VCPIP1: variants seen among roughly 807,000 people sequenced by gnomAD.
The protein encoded by VCPIP1 is deubiquitinating protein VCPIP1.
VCPIP1 carries 8 observed loss-of-function variants against 85.0 expected under a neutral mutation model. The observed-to-expected ratio is 0.09, with a 90% CI of 0.06 to 0.17. The LOEUF (loss-of-function observed/expected upper bound fraction) is 0.17. Among genes scored for constraint, VCPIP1 ranks in the 10% least tolerant of loss-of-function variants. The probability of loss-of-function intolerance (pLI) is 1.00; values close to 1 mark genes in which losing one functional copy is unlikely to be tolerated. For synonymous variants in VCPIP1, 543 were observed against 544.5 expected, an observed-to-expected ratio of 1.00 and a Z score of 0.04; for missense variants, 1,070 against 1,486.3, an observed-to-expected ratio of 0.72 and a Z score of 4.61.
chr8:66,641,875 A>G (rs542085275), intron 2 of VCPIP1, among the ~76,000 whole-genome samples: 3 of 152,366 alleles, frequency 2.0e-5, no homozygotes, highest in African/African-American at 7.2e-5. Flanking sequence ...ATTTTAGGCT[A>G]TGATGAATAA....
At position 66,642,155 on chromosome 8, in the gene VCPIP1, C is replaced by T. The variant is rs937751644; in HGVS notation, c.2798-6783G>A. Among the ~76,000 whole-genome samples, 3 of 152,174 alleles carry T rather than the reference C, an allele frequency of 2.0e-5. No homozygotes were observed. In the East Asian group the frequency reaches 5.8e-4, roughly 29 times the overall value. ...TAGTGAGTATGAAGTATTATACCAT[C>T]CCATTTTTCTTTTGATTTGCATTCC... is the stretch of plus-strand genomic sequence containing the variant. On this transcript the variant is annotated intron_variant, in intron 2 of 2. Transcript: ENST00000310421.
intron 1 of VCPIP1, among the ~76,000 whole-genome samples, chr8:66,660,423 G>A (rs1029700332): frequency 1.3e-5 from 2 of 152,202 alleles, no homozygotes; most frequent in Non-Finnish European, 2.9e-5. Flanking sequence ...CACTGATAGA[G>A]GGAACCTACT....
At position 66,664,338 on chromosome 8, in the gene VCPIP1, A is replaced by G. The variant is rs768678009; in HGVS notation, c.2621T>C (p.Ile874Thr). 8.1e-6 allele frequency: 13 copies of G among 1,612,880 alleles called. No individual in the cohort carries two copies. The highest frequency in any genetic ancestry group is 4.4e-5 in the South Asian group (4 of 91,042). The stretch of plus-strand genomic sequence containing the variant: ...AGATGACAGTTTACCAGTAACAGCA[A>G]TATCTTCTTGTTTCACAGTGTGGGC... ...HSAHTVKQED[I>T]AVTGKLSSKE... Residue 874 changes from isoleucine (I) to threonine (T), a missense_variant, in exon 1 of 3, where the codon ATT becomes ACT. Physicochemically the swap from Ile to Thr is moderately conservative, Grantham distance 89 (BLOSUM62 -1). Around this residue, in one of 8 missense-constraint regions of VCPIP1, gnomAD observed 278 missense variants for 298.5 expected, o/e 0.93. Coordinates refer to ENST00000310421, the MANE Select transcript of VCPIP1 (RefSeq NM_025054.5).
chr8:66,651,499 T>C lies in VCPIP1; in HGVS notation c.2756A>G (p.Gln919Arg). The change falls in exon 2 of 3, where the codon CAG (glutamine) becomes CGG (arginine). Residue 919 changes from glutamine (Q) to arginine (R), a missense_variant. Physicochemically the swap from Gln to Arg is conservative, Grantham distance 43. Transcript: ENST00000310421. ...AATACTGTAGAATACACCACCCTGC[T>C]GAAACATGTGAGGAAGTCCCTTTGC... ...SYAKGLPHMF[Q>R]QGGVFYSIMK... The C allele has an allele frequency of 1.2e-6, 2 of 1,613,514 alleles. No homozygotes were observed. Among genetic ancestry groups the C allele is most frequent in the South Asian group, 1.1e-5 (1 of 91,052 alleles).
At chr8:66,656,089 A>T (rs978280541) in intron 1 of VCPIP1, among the ~76,000 whole-genome samples, 8 of 152,138 alleles carry the variant, frequency 5.3e-5, no homozygotes, top group South Asian at 2.1e-4. Context: ...TACATTTTTT[A>T]AAATGTATTT....
In VCPIP1 at chr8:66,666,435, A is replaced by G; in HGVS notation, c.524T>C (p.Val175Ala). Reference protein sequence around the residue: ...DRAFLIEPEHVNTVGYGKDRS... With the variant: ...DRAFLIEPEHANTVGYGKDRS... ...GTCCTTGCCATAGCCCACAGTGTTA[A>G]CATGCTCTGGTTCTATGAGGAAGGC... The change falls in exon 1 of 3, where the codon GTT (valine) becomes GCT (alanine). Residue 175 changes from valine to alanine, a missense_variant. By Grantham distance (64) the Val-to-Ala change is moderately conservative. Around this residue, in one of 8 missense-constraint regions of VCPIP1, gnomAD observed 118 missense variants for 337.1 expected, o/e 0.35. Coordinates refer to ENST00000310421, the MANE Select transcript of VCPIP1 (RefSeq NM_025054.5). The surrounding 1 kb of genome is among the most constrained non-coding windows in gnomAD (Gnocchi z 6.3). 6.2e-7 allele frequency: 1 copy of G among 1,614,168 alleles called. No homozygotes were observed. The highest frequency in any genetic ancestry group is 8.5e-7 in the Non-Finnish European group (1 of 1,180,018).
chr8:66,642,223 G>C (rs1339465476), intron 2 of VCPIP1, among the ~76,000 whole-genome samples: 1 of 152,032 alleles, frequency 6.6e-6, no homozygotes, highest in African/African-American at 2.4e-5. Flanking sequence ...CGTGTGATTG[G>C]CCATTTATAT....
At chr8:66,661,940 T>G (rs947186556) in intron 1 of VCPIP1, among the ~76,000 whole-genome samples, 1 of 151,174 alleles carries the variant, frequency 6.6e-6, no homozygotes, top group African/African-American at 2.4e-5. Context: ...ATTTTTTTTT[T>G]GTATTTTTAG....
Position 66,666,772 on chromosome 8 carries a change from A to C in VCPIP1, c.187T>G (p.Ser63Ala), listed in dbSNP as rs1405701180. The C allele has an allele frequency of 1.2e-6, 2 of 1,613,690 alleles. No homozygotes were observed. The highest frequency in any genetic ancestry group is 4.5e-5 in the East Asian group (2 of 44,882). The change falls in exon 1 of 3, where the codon TCC becomes GCC. Residue 63 changes from serine to alanine, a missense_variant. This residue lies in a region of VCPIP1 where 164 missense variants were observed against 158.6 expected (regional missense o/e 1.03). Transcript: ENST00000310421. The surrounding 1 kb of genome is among the most constrained non-coding windows in gnomAD (Gnocchi z 6.3). ...GTACACTCGATGCTGACAGAACCGG[A>C]GGCCGGGAAAAATAGACGCGCCTGA... is the stretch of plus-strand genomic sequence containing the variant. ...KCQARLFFPA[S>A]GSVSIECTEC...
At chr8:66,642,501 C>G (rs755559028) in intron 2 of VCPIP1, among the ~76,000 whole-genome samples, 4 of 152,018 alleles carry the variant, frequency 2.6e-5, no homozygotes, top group African/African-American at 4.8e-5. Context: ...AAGGTCAATA[C>G]AGTTTATGCT....
chr8:66,650,860 CAAAA>C (rs770736039), intron 2 of VCPIP1, among the ~76,000 whole-genome samples: 2 of 13,914 alleles, frequency 1.4e-4, no homozygotes, highest in South Asian at 2.1e-3. Flanking sequence ...GACTTCGTCT[CAAAA>C]AAAAAAAAAA....
intron 2 of VCPIP1, among the ~76,000 whole-genome samples, chr8:66,644,634 G>A (rs146098644): frequency 5.4e-4 from 82 of 152,102 alleles, no homozygotes; most frequent in African/African-American, 1.9e-3. Context: ...TCACCTTTCC[G>A]ACTCAACACT....
rs369610379 is a variant in VCPIP1, at chr8:66,646,280, C to T, written c.2797+5178G>A. On this transcript the variant is annotated intron_variant, in intron 2 of 2. Coordinates refer to ENST00000310421, the MANE Select transcript of VCPIP1 (RefSeq NM_025054.5). ...TAGAGACGGGGTTTCACAGTGTTGG[C>T]CAGGCTGGTCTCAAACTCTTGACCT... is the stretch of plus-strand genomic sequence containing the variant. 1.4e-4 allele frequency among the ~76,000 whole-genome samples: 21 copies of T among 151,934 alleles called. No homozygotes were observed. The East Asian group carries it at 3.9e-3, about 28-fold the overall frequency.
chr8:66,661,020 C>A (rs763485282), intron 1 of VCPIP1, among the ~76,000 whole-genome samples: 1 of 151,728 alleles, frequency 6.6e-6, no homozygotes, highest in African/African-American at 2.4e-5. Flanking sequence ...TCCAGCCTGG[C>A]GACACTGCGA....
intron 2 of VCPIP1, among the ~76,000 whole-genome samples, chr8:66,637,252 G>A (rs11987253): frequency 0.082 from 12,449 of 151,938 alleles, 1,016 homozygotes; most frequent in African/African-American, 0.2. Context: ...TTGGGAGGCT[G>A]AGGCAGGAGG....
chr8:66,637,108 C>T (rs146334588), intron 2 of VCPIP1, among the ~76,000 whole-genome samples: 42 of 152,038 alleles, frequency 2.8e-4, no homozygotes, highest in African/African-American at 7.7e-4. Context: ...GCGGGAGGAT[C>T]GCTTGGAGTT....
chr8:66,636,435 T>C (rs903968421), intron 2 of VCPIP1, among the ~76,000 whole-genome samples: 1 of 151,856 alleles, frequency 6.6e-6, no homozygotes, highest in African/African-American at 2.4e-5. Flanking sequence ...GTTGGAAGTA[T>C]ATGCAGTTAT....
chr8:66,657,622 T>G (rs1015886266), intron 1 of VCPIP1, among the ~76,000 whole-genome samples: 1 of 152,236 alleles, frequency 6.6e-6, no homozygotes, highest in East Asian at 1.9e-4. Flanking sequence ...TACACAGACA[T>G]GCACACAAAC....
In VCPIP1 at chr8:66,634,958, A is replaced by T. The variant is rs1187391694; in HGVS notation, c.3212T>A (p.Val1071Glu). 6.2e-7 allele frequency: 1 copy of T among 1,613,562 alleles called. No homozygotes were observed. The highest frequency in any genetic ancestry group is 1.1e-5 in the South Asian group (1 of 91,060). Residue 1071 changes from valine to glutamate, a missense_variant, in exon 3 of 3, where the codon GTA (valine) becomes GAA (glutamate). By Grantham distance (121) the Val-to-Glu change is moderately radical. Coordinates refer to ENST00000310421, the MANE Select transcript of VCPIP1 (RefSeq NM_025054.5). Reference sequence around the variant, plus strand: ...ACTATTACTAGAAGAAGCTGTGAATACAGAAGGCTCTGTTTTAGTGGAACT... The same window carrying T: ...ACTATTACTAGAAGAAGCTGTGAATTCAGAAGGCTCTGTTTTAGTGGAACT... ...SNSSTKTEPS[V>E]FTASSSNSEL...
Sources: gnomAD v4.1 joint callset for allele counts (sites outside exome capture counted in the v4.1 genomes callset) on GRCh38, gnomAD v4.1.1 for gene constraint, gnomAD v4.1.1 regional missense constraint, Gnocchi (gnomAD v3.1) non-coding constraint, MANE v1.5 for transcripts, NCBI Gene and HGNC (gene_info 2026-07-23, HGNC 2026-07-21) for gene names.